The following RNF34 variants were observed in gnomAD, a reference collection of about 807,000 sequenced individuals.
The protein encoded by RNF34 is E3 ubiquitin-protein ligase RNF34.
A neutral mutation model predicts 37.9 loss-of-function variants in RNF34; 12 were observed. That is an observed-to-expected ratio of 0.32 (90% CI 0.20 to 0.51). The LOEUF (loss-of-function observed/expected upper bound fraction) is 0.51. Among genes scored for constraint, RNF34 ranks in the 20% least tolerant of loss-of-function variants. RNF34 has a pLI of 0.97. For missense variants in RNF34, 362 were observed against 472.7 expected (o/e 0.77, Z 2.17); for synonymous variants, 155 against 177.2 (o/e 0.87, Z 1.00).
Position 121,417,926 on chromosome 12 carries a change from C to T in RNF34, c.633+15C>T, listed in dbSNP as rs373330201. Reference sequence around the variant, plus strand: ...TGCCGGCACAGGTACGAGGGGGTAACTAATTACACCCAGGGCCCGGCACGC... The same window carrying T: ...TGCCGGCACAGGTACGAGGGGGTAATTAATTACACCCAGGGCCCGGCACGC... On this transcript the variant is annotated intron_variant, in intron 3 of 5. Coordinates refer to ENST00000361234, the MANE Select transcript of RNF34 (RefSeq NM_025126.4). The surrounding 1 kb of genome is among the most constrained non-coding windows in gnomAD (Gnocchi z 5.0). 1.1e-5 allele frequency: 18 copies of T among 1,608,668 alleles called. No individual in the cohort carries two copies. Among genetic ancestry groups the T allele is most frequent in the Non-Finnish European group, 1.5e-5 (18 of 1,177,380 alleles).
chr12:121,400,507 T>C (rs1869875050), intron 1 of RNF34, among the ~76,000 whole-genome samples: 1 of 152,146 alleles, frequency 6.6e-6, no homozygotes, highest in Non-Finnish European at 1.5e-5. Flanking sequence ...CCGGGCCCTG[T>C]GCGCCTCCTC....
intron 3 of RNF34, 132 bp from the exon 4 acceptor site, chr12:121,420,110 C>T: frequency 1.3e-6 from 1 of 787,516 alleles, no homozygotes; most frequent in Non-Finnish European, 2.0e-6. Context: ...GAAGGGTCAG[C>T]AGCATTCTGA....
intron 5 of RNF34, among the ~76,000 whole-genome samples, chr12:121,421,371 TAAAAAAAAAAAA>T (rs11398833): frequency 1.3e-4 from 6 of 46,378 alleles, no homozygotes; most frequent in East Asian, 6.1e-4. Context: ...ATCCCATCTC[TAAAAAAAAAAAA>T]AAAAAAAAAA....
At chr12:121,415,703 C>G (rs1871500339) in intron 1 of RNF34, among the ~76,000 whole-genome samples, 1 of 152,054 alleles carries the variant, frequency 6.6e-6, no homozygotes, top group South Asian at 2.1e-4. Flanking sequence ...GACTGTAGAA[C>G]TGTGGTGCAA....
chr12:121,416,176 G>C lies in RNF34; in HGVS notation c.24G>C (p.Met8Ile). 6.2e-7 allele frequency: 1 copy of C among 1,614,104 alleles called. No individual in the cohort carries two copies. Residue 8 changes from methionine to isoleucine, a missense_variant, in exon 2 of 6, where the codon ATG becomes ATC. Transcript: ENST00000361234. The stretch of plus-strand genomic sequence containing the variant: ...CTTTTTAGGCGGGTGCCACGTCTAT[G>C]TGGGCTTCGTGCTGTGGGCTGCTGA... MKAGATS[M>I]WASCCGLLNE...
At chr12:121,413,855 G>C (rs1344442212) in intron 1 of RNF34, among the ~76,000 whole-genome samples, 1 of 152,068 alleles carries the variant, frequency 6.6e-6, no homozygotes, top group Non-Finnish European at 1.5e-5. Flanking sequence ...CATTACAGGT[G>C]TGAGCCACCG....
chr12:121,411,620 T>C (rs1456653428), intron 1 of RNF34, among the ~76,000 whole-genome samples: 3 of 152,220 alleles, frequency 2.0e-5, no homozygotes, highest in African/African-American at 7.2e-5. Context: ...GAAAACATAT[T>C]TTGAACTTTC....
At chr12:121,413,821 C>T (rs1480606297) in intron 1 of RNF34, among the ~76,000 whole-genome samples, 1 of 151,576 alleles carries the variant, frequency 6.6e-6, no homozygotes, top group East Asian at 1.9e-4. Flanking sequence ...GTGATCCACC[C>T]GCCTCAGCCT....
At chr12:121,403,257 G>A (rs1433311372) in intron 1 of RNF34, among the ~76,000 whole-genome samples, 1 of 152,036 alleles carries the variant, frequency 6.6e-6, no homozygotes, top group Non-Finnish European at 1.5e-5. Context: ...TTAGCTGGAT[G>A]TGGTGGCGGG....
At chr12:121,419,970 T>A in intron 3 of RNF34, 1 of 327,134 alleles carries the variant, frequency 3.1e-6, no homozygotes, top group Non-Finnish European at 5.9e-6. Flanking sequence ...CATTCCATTA[T>A]GGGACCTTCC....
Position 121,402,951 on chromosome 12 carries a change from G to A in RNF34, c.6+2733G>A, listed in dbSNP as rs78570062. 517 of 663,796 alleles carry A rather than the reference G, an allele frequency of 7.8e-4. 6 individuals are homozygous for A. The East Asian group carries it at 0.012, about 15-fold the overall frequency. The allele number at this position is 663,796 out of a possible 1,614,324, so 41.1% of individuals were successfully genotyped here. ...AAATGGTATGAGAGAAATAATTTAG[G>A]ATGTAGAATTCCTTCCTTTGTGGTA... On this transcript the variant is annotated intron_variant, in intron 1 of 5. Coordinates refer to ENST00000361234, the MANE Select transcript of RNF34 (RefSeq NM_025126.4).
chr12:121,411,729 G>C (rs1555281384), intron 1 of RNF34, among the ~76,000 whole-genome samples: 2 of 152,196 alleles, frequency 1.3e-5, no homozygotes, highest in Non-Finnish European at 2.9e-5. Context: ...GTGGAAAGAG[G>C]AGCAGGAGAA....
At chr12:121,412,203 A>G (rs1555281442) in intron 1 of RNF34, among the ~76,000 whole-genome samples, 2 of 141,648 alleles carry the variant, frequency 1.4e-5, no homozygotes, top group Non-Finnish European at 3.0e-5. Flanking sequence ...CTGGGACTAC[A>G]GGCACGTGCC....
At chr12:121,414,327 G>A (rs11065564) in intron 1 of RNF34, among the ~76,000 whole-genome samples, 29,110 of 152,184 alleles carry the variant, frequency 0.19, 4,306 homozygotes, top group African/African-American at 0.41. Context: ...AAGCCTATTC[G>A]TTCTAAACAC....
intron 1 of RNF34, among the ~76,000 whole-genome samples, chr12:121,406,778 A>T (rs1870579856): frequency 6.6e-6 from 1 of 152,146 alleles, no homozygotes; most frequent in African/African-American, 2.4e-5. Flanking sequence ...AACACAGGTG[A>T]ATTCTCTGAG....
chr12:121,403,872 T>C (rs1461245197), intron 1 of RNF34, among the ~76,000 whole-genome samples: 1 of 151,106 alleles, frequency 6.6e-6, no homozygotes, highest in Non-Finnish European at 1.5e-5. Flanking sequence ...CCTAGTTTAA[T>C]AAAAAGTGAA....
At position 121,402,805 on chromosome 12, in the gene RNF34, A is replaced by G. The variant is rs782380765; in HGVS notation, c.6+2587A>G. 5.0e-6 allele frequency: 8 copies of G among 1,598,518 alleles called. No homozygotes were observed. The East Asian group carries it at 8.9e-5, about 18-fold the overall frequency. ...AGAAAACAAAAACCCAAGCATGAGGAAGGTAACATTTGTATCTATAGCACA... is the reference window on the plus strand; with the variant it reads ...AGAAAACAAAAACCCAAGCATGAGGGAGGTAACATTTGTATCTATAGCACA... On this transcript the variant is annotated intron_variant, in intron 1 of 5. Transcript: ENST00000361234.
Position 121,400,178 on chromosome 12 carries a change from CT to C in RNF34, c.-34del, listed in dbSNP as rs782717878. 4 of 1,606,198 alleles carry C rather than the reference CT, an allele frequency of 2.5e-6. No homozygotes were observed. The highest frequency in any genetic ancestry group is 3.4e-6 in the Non-Finnish European group (4 of 1,178,218). On this transcript the variant is annotated 5_prime_UTR_variant, in exon 1 of 6. An upstream open reading frame in the 5' UTR gains an earlier in-frame stop. Coordinates refer to ENST00000361234, the MANE Select transcript of RNF34 (RefSeq NM_025126.4). The stretch of plus-strand genomic sequence containing the variant: ...AGGAGCTGCTATGGTGCTGAGTTTC[CT>C]GGTAGAGCCGGCCGAGCTGAGGCGG...
At chr12:121,420,488 T>A in intron 4 of RNF34, 89 bp from the exon 5 acceptor site, 1 of 1,574,362 alleles carries the variant, frequency 6.4e-7, no homozygotes, top group Non-Finnish European at 8.7e-7. Flanking sequence ...CTGAGATGGC[T>A]GGGAGAATAT....
Sources: gnomAD v4.1 joint callset for allele counts (sites outside exome capture counted in the v4.1 genomes callset) on GRCh38, gnomAD v4.1.1 for gene constraint, Gnocchi (gnomAD v3.1) non-coding constraint, MANE v1.5 for transcripts, NCBI Gene and HGNC (gene_info 2026-07-23, HGNC 2026-07-21) for gene names.